Variants in SCN8A observed in about 807,000 individuals in gnomAD.
SCN8A encodes sodium voltage-gated channel alpha subunit 8.
Under a neutral mutation model 184.1 loss-of-function variants are expected in SCN8A, and 30 were observed. The ratio of observed to expected loss-of-function variants is 0.16; its 90% CI spans 0.12 to 0.22. The LOEUF (loss-of-function observed/expected upper bound fraction) is 0.22, where lower values mean the gene tolerates loss of function less well. Among genes scored for constraint, SCN8A ranks in the 10% least tolerant of loss-of-function variants. SCN8A has a pLI of 1.00. For missense variants in SCN8A, 1,057 were observed against 2,498.9 expected, an observed-to-expected ratio of 0.42 and a Z score of 12.30; for synonymous variants, 852 against 907.0, an observed-to-expected ratio of 0.94 and a Z score of 1.09.
intron 19 of SCN8A, among the ~76,000 whole-genome samples, chr12:51,772,839 G>A (rs1233148662): frequency 3.4e-5 from 5 of 146,806 alleles, no homozygotes; most frequent in African/African-American, 1.0e-4. Context: ...AAAATTAACC[G>A]GGCATGGTGT....
chr12:51,745,277 T>C (rs997248538), intron 12 of SCN8A, among the ~76,000 whole-genome samples: 1 of 152,208 alleles, frequency 6.6e-6, no homozygotes, highest in Non-Finnish European at 1.5e-5. Context: ...TAGGATACAA[T>C]ATATTTAATT....
At position 51,614,877 on chromosome 12, in the gene SCN8A, A is replaced by G. The variant is rs569423186; in HGVS notation, c.-55+23518A>G. On this transcript the variant is annotated intron_variant, in intron 1 of 26. Coordinates refer to ENST00000627620, the MANE Select transcript of SCN8A (RefSeq NM_001330260.2). ...TTGTGGTAAGAACATTTTACATGAG[A>G]TGTACCCTCTTAACAAATTTTAAGT... 2.7e-4 allele frequency among the ~76,000 whole-genome samples: 41 copies of G among 150,984 alleles called. No individual in the cohort carries two copies. In the South Asian group the frequency reaches 7.9e-3, roughly 29 times the overall value.
At chr12:51,624,728 G>A (rs924874444) in intron 1 of SCN8A, among the ~76,000 whole-genome samples, 2 of 152,090 alleles carry the variant, frequency 1.3e-5, no homozygotes, top group Non-Finnish European at 2.9e-5. Flanking sequence ...TTTTGTTTTA[G>A]GGTTTTTATG....
chr12:51,730,930 T>A (rs1942230619), intron 12 of SCN8A, among the ~76,000 whole-genome samples: 1 of 152,232 alleles, frequency 6.6e-6, no homozygotes, highest in Admixed American at 6.5e-5. Flanking sequence ...TTGCATTGAT[T>A]TTTCGATCCC....
intron 11 of SCN8A, among the ~76,000 whole-genome samples, chr12:51,714,061 A>C (rs1173735234): frequency 6.6e-6 from 1 of 152,078 alleles, no homozygotes; most frequent in Non-Finnish European, 1.5e-5. Flanking sequence ...TGGCTTATGC[A>C]TGCATTCAGT....
At position 51,642,907 on chromosome 12, in the gene SCN8A, G is replaced by A. The variant is rs575271090; in HGVS notation, c.-54-19857G>A. On this transcript the variant is annotated intron_variant, in intron 1 of 26. Transcript: ENST00000627620. ...TGGGTCTGCTCTTCGGCCTGTTAGC[G>A]ATTGATTCAGCAAATGAAGAGCAAA... Among the ~76,000 whole-genome samples, 52 of 152,016 alleles carry A rather than the reference G, an allele frequency of 3.4e-4. 1 individual carries two copies. In the South Asian group the frequency reaches 9.6e-3, roughly 28 times the overall value.
chr12:51,795,393 T>C (rs1219852090), intron 26 of SCN8A, among the ~76,000 whole-genome samples: 1 of 152,248 alleles, frequency 6.6e-6, no homozygotes, highest in African/African-American at 2.4e-5. Context: ...CTTGCCTTCC[T>C]GAAAGGCATC....
chr12:51,753,576 C>CGGG (rs1171786910), intron 14 of SCN8A, among the ~76,000 whole-genome samples: 2 of 152,114 alleles, frequency 1.3e-5, no homozygotes, highest in Non-Finnish European at 2.9e-5. Context: ...CCAATCAACA[C>CGGG]GAGCGCTGAG....
At chr12:51,759,077 G>T (rs1380476250) in intron 14 of SCN8A, among the ~76,000 whole-genome samples, 1 of 151,916 alleles carries the variant, frequency 6.6e-6, no homozygotes, top group East Asian at 1.9e-4. Context: ...CAGACTGCAT[G>T]TCTGACAGTG....
At chr12:51,665,607 C>A (rs1294328884) in intron 2 of SCN8A, among the ~76,000 whole-genome samples, 1 of 152,128 alleles carries the variant, frequency 6.6e-6, no homozygotes, top group Non-Finnish European at 1.5e-5. Context: ...AGTTAACTTG[C>A]AAATCTTTAC....
chr12:51,689,153 C>A, intron 6 of SCN8A, 57 bp downstream of exon 6: 1 of 1,277,796 alleles, frequency 7.8e-7, no homozygotes, highest in Non-Finnish European at 1.1e-6. Flanking sequence ...CTCCTCCATT[C>A]GTTTTGTCCA....
chr12:51,678,707 G>T (rs1203619604), intron 2 of SCN8A, among the ~76,000 whole-genome samples: 1 of 152,182 alleles, frequency 6.6e-6, no homozygotes, highest in Admixed American at 6.5e-5. Flanking sequence ...AATCTGGTGA[G>T]CACAGATTCC....
intron 11 of SCN8A, among the ~76,000 whole-genome samples, chr12:51,713,841 T>C (rs1941922173): frequency 1.3e-5 from 2 of 151,872 alleles, no homozygotes; most frequent in African/African-American, 2.4e-5. Context: ...ATTTCTCATA[T>C]TAGAAATTAT....
intron 23 of SCN8A, 50 bp from the exon 24 acceptor site, chr12:51,789,231 A>G (rs760615247): frequency 6.2e-7 from 1 of 1,607,306 alleles, no homozygotes; most frequent in Admixed American, 1.7e-5. Flanking sequence ...TGGCGTGTCA[A>G]ACTCCAAACT....
At chr12:51,616,429 T>C (rs1277604457) in intron 1 of SCN8A, among the ~76,000 whole-genome samples, 4 of 151,954 alleles carry the variant, frequency 2.6e-5, no homozygotes, top group African/African-American at 9.7e-5. Flanking sequence ...GCTAACATGG[T>C]GAAACCTGTC....
At chr12:51,669,413 C>T (rs1366988136) in intron 2 of SCN8A, among the ~76,000 whole-genome samples, 1 of 152,172 alleles carries the variant, frequency 6.6e-6, no homozygotes, top group Non-Finnish European at 1.5e-5. Context: ...TTTTGCCTGT[C>T]ACATATTGTA....
At chr12:51,598,220 T>TG (rs1367868120) in intron 1 of SCN8A, among the ~76,000 whole-genome samples, 2 of 151,998 alleles carry the variant, frequency 1.3e-5, no homozygotes, top group Non-Finnish European at 2.9e-5. Context: ...AGAAGGTGAA[T>TG]GACAGAGTGA....
chr12:51,686,292 C>T (rs1166021541), intron 3 of SCN8A, 76 bp from the exon 4 acceptor site: 1 of 833,732 alleles, frequency 1.2e-6, no homozygotes, highest in Non-Finnish European at 2.0e-6. Context: ...ATCTGATACC[C>T]AATGGAAATG....
rs143117582 is a variant in SCN8A, at chr12:51,706,817, G to A, written c.1635+102G>A. ...CCATCTTTACCATTTTAAGTGTACC[G>A]TTCAGTGTTAAGCACAATTATATTC... On this transcript the variant is annotated intron_variant, in intron 11 of 26. Transcript: ENST00000627620. The A allele has an allele frequency of 7.7e-4, 660 of 857,606 alleles. 1 individual carries two copies. The African/African-American group carries it at 0.01, about 13-fold the overall frequency. 53.1% of individuals were successfully genotyped at this position (857,606 alleles called of 1,614,324 possible). A position where few individuals can be genotyped will look rare whatever the true frequency, so the allele number is the denominator to read the frequency against.
Sources: gnomAD v4.1 joint callset for allele counts (sites outside exome capture counted in the v4.1 genomes callset) on GRCh38, gnomAD v4.1.1 for gene constraint, MANE v1.5 for transcripts, NCBI Gene and HGNC (gene_info 2026-07-23, HGNC 2026-07-21) for gene names.